PAXIP1: variants seen among roughly 807,000 people sequenced by gnomAD.
PAXIP1 encodes PAX-interacting protein 1.
Under a neutral mutation model 140.6 loss-of-function variants are expected in PAXIP1, and 19 were observed. That is an observed-to-expected ratio of 0.14 (90% CI 0.09 to 0.20). PAXIP1 has a LOEUF of 0.20. Ranked by LOEUF, PAXIP1 falls within the 10% of genes least tolerant of loss-of-function variation. The pLI, the probability that PAXIP1 is intolerant of heterozygous loss-of-function variation, is 1.00. For missense variants in PAXIP1, 920 were observed against 1,208.6 expected (o/e 0.76, Z 3.54); for synonymous variants, 442 against 444.6 (o/e 0.99, Z 0.07).
chr7:154,998,492 A>G (rs928906067), intron 2 of PAXIP1, among the ~76,000 whole-genome samples, 158 bp downstream of exon 2: 2 of 152,198 alleles, frequency 1.3e-5, no homozygotes, highest in African/African-American at 4.8e-5. Flanking sequence ...TGGGCAACAG[A>G]GCGAGATTCC....
At chr7:154,982,210 A>G (rs181637628) in intron 5 of PAXIP1, among the ~76,000 whole-genome samples, 52 of 152,246 alleles carry the variant, frequency 3.4e-4, no homozygotes, top group African/African-American at 1.3e-3. Context: ...TAGAAGTCAC[A>G]TGATAAATTT....
chr7:154,965,625 T>C (rs901862091), intron 8 of PAXIP1: 6 of 152,250 alleles, frequency 3.9e-5, no homozygotes, highest in South Asian at 4.1e-4. Flanking sequence ...TATGATGATA[T>C]ACTTCCCCTT....
intron 12 of PAXIP1, 78 bp downstream of exon 12, chr7:154,960,815 G>C: frequency 9.6e-7 from 1 of 1,036,614 alleles, no homozygotes; most frequent in East Asian, 2.8e-5. Context: ...CTGGTAATTA[G>C]TATGAATAAA....
At chr7:154,995,575 C>T (rs988021436) in intron 2 of PAXIP1, among the ~76,000 whole-genome samples, 13 of 152,198 alleles carry the variant, frequency 8.5e-5, no homozygotes, top group South Asian at 4.1e-4. Context: ...GCTGGCTGAT[C>T]GCGATGGCTC....
Position 154,991,760 on chromosome 7 carries a change from CAT to C in PAXIP1, c.261-693_261-692del, listed in dbSNP as rs1354536941. ...TCATGATCTCTATGTGCCTGTAATT[CAT>C]AGTCTATTCAGAGCAAACAATGACT... On this transcript the variant is annotated intron_variant, in intron 3 of 20. Transcript: ENST00000404141. Among the ~76,000 whole-genome samples, 8 of 152,192 alleles carry C rather than the reference CAT, an allele frequency of 5.3e-5. No homozygotes were observed. In the East Asian group the frequency reaches 7.7e-4, roughly 15 times the overall value.
In PAXIP1 at chr7:154,969,038, A is replaced by C; in HGVS notation, c.1163T>G (p.Leu388Arg). The C allele has an allele frequency of 1.3e-6, 2 of 1,546,130 alleles. No homozygotes were observed. The highest frequency in any genetic ancestry group is 2.4e-5 in the South Asian group (2 of 83,372). ...TGGAGTCACTTTCACTTGGCTAAAC[A>C]GCACTGCATTGGCATTTGTATGTCC... The part of the protein sequence containing the change: ...QQGHTNANAV[L>R]FSQVKVTPET... Residue 388 changes from leucine (L) to arginine (R), a missense_variant, in exon 7 of 21, where the codon CTG (leucine) becomes CGG (arginine). This residue lies in a region of PAXIP1 where 419 missense variants were observed against 514.7 expected (regional missense o/e 0.81). Transcript: ENST00000404141.
At chr7:154,980,705 C>G (rs189650548) in intron 5 of PAXIP1, among the ~76,000 whole-genome samples, 1 of 152,366 alleles carries the variant, frequency 6.6e-6, no homozygotes, top group Admixed American at 6.5e-5. Flanking sequence ...TGAGCCACCA[C>G]TTCTGGCCCA....
In PAXIP1 at chr7:154,986,016, C is replaced by G; in HGVS notation, c.325-2684G>C. On this transcript the variant is annotated intron_variant, in intron 4 of 20. Transcript: ENST00000404141. This position sits in a 1 kb window ranked among gnomAD's most constrained non-coding sequence, Gnocchi z 4.8. ...CTCTTGACCTATTCCCCAAAACCTA[C>G]CCAGCACATTACAACAGAGGCCTCA... The G allele has an allele frequency of 7.3e-7, 1 of 1,365,598 alleles. No homozygotes were observed. The allele number at this position is 1,365,598 out of a possible 1,614,324, so 84.6% of individuals were successfully genotyped here.
intron 9 of PAXIP1, among the ~76,000 whole-genome samples, chr7:154,962,878 A>T (rs536457918): frequency 6.6e-6 from 1 of 152,370 alleles, no homozygotes; most frequent in East Asian, 1.9e-4. Context: ...TTACAGGAAA[A>T]GCAGATCCTG....
chr7:154,954,382 C>T lies in PAXIP1; in HGVS notation c.2694G>A (p.Gln898=). ...TGCTGGCAATGAGGTGTGTGCACTT[C>T]TGTGCAGACTCCGCAACCTCTCCAC... ...ILGGEVAESA[Q]KCTHLIASKV... The change falls in exon 16 of 21, where the codon CAG becomes CAA. Residue 898 remains glutamine, a synonymous_variant. Coordinates refer to ENST00000404141, the MANE Select transcript of PAXIP1 (RefSeq NM_007349.4). This position sits in a 1 kb window ranked among gnomAD's most constrained non-coding sequence, Gnocchi z 5.1. 1 of 1,595,036 alleles carries T rather than the reference C, an allele frequency of 6.3e-7. No homozygotes were observed. The highest frequency in any genetic ancestry group is 8.6e-7 in the Non-Finnish European group (1 of 1,166,608).
chr7:154,953,133 TAAGGTGAGTTTAGCCACAA>T (rs113248115), intron 16 of PAXIP1, among the ~76,000 whole-genome samples: 5,842 of 152,248 alleles, frequency 0.038, 312 homozygotes, highest in East Asian at 0.2. Flanking sequence ...AAGTGATAAA[TAAGGTGAGTTTAGCCACAA>T]GAGTGTAACG....
chr7:154,985,439 G>A (rs945723392), intron 4 of PAXIP1, among the ~76,000 whole-genome samples: 3 of 151,904 alleles, frequency 2.0e-5, no homozygotes, highest in East Asian at 1.9e-4. Flanking sequence ...CTGCCCCCAC[G>A]TGCACCTGCC....
Position 154,963,308 on chromosome 7 carries a change from TG to T in PAXIP1, c.1989+362del, listed in dbSNP as rs1462784179. ...CTCCTGCCTCAGCCTCCTGAGTAGC[TG>T]GGATTAGAGCTGCGCACCACCACAC... On this transcript the variant is annotated intron_variant, in intron 9 of 20. Transcript: ENST00000404141. This position sits in a 1 kb window ranked among gnomAD's most constrained non-coding sequence, Gnocchi z 4.1. Among the ~76,000 whole-genome samples, 3 of 152,182 alleles carry T rather than the reference TG, an allele frequency of 2.0e-5. No homozygotes were observed. The East Asian group carries it at 5.8e-4, about 29-fold the overall frequency.
intron 4 of PAXIP1, among the ~76,000 whole-genome samples, chr7:154,987,309 C>T (rs961132658): frequency 5.3e-5 from 8 of 152,202 alleles, no homozygotes; most frequent in Non-Finnish European, 2.9e-5. Context: ...GTACAACTAT[C>T]TTCTACCAAT....
chr7:154,988,188 T>C (rs886156490), intron 4 of PAXIP1, among the ~76,000 whole-genome samples: 1 of 152,198 alleles, frequency 6.6e-6, no homozygotes, highest in Admixed American at 6.5e-5. Flanking sequence ...TCCTCTTATC[T>C]AGCCTCTGTG....
chr7:154,997,056 C>T (rs1810663863), intron 2 of PAXIP1, among the ~76,000 whole-genome samples: 1 of 151,948 alleles, frequency 6.6e-6, no homozygotes, highest in Non-Finnish European at 1.5e-5. Flanking sequence ...AGATACTGTC[C>T]CTAAAGCAGT....
In PAXIP1 at chr7:154,946,307, G is replaced by A; in HGVS notation, c.3194+58C>T. The A allele has an allele frequency of 1.2e-6, 2 of 1,612,282 alleles. No homozygotes were observed. Among genetic ancestry groups the A allele is most frequent in the Non-Finnish European group, 1.7e-6 (2 of 1,178,858 alleles). On this transcript the variant is annotated intron_variant, in intron 20 of 20. Coordinates refer to ENST00000404141, the MANE Select transcript of PAXIP1 (RefSeq NM_007349.4). The surrounding 1 kb of genome is among the most constrained non-coding windows in gnomAD (Gnocchi z 4.9). ...AGGAAAGGTACTGCCTTATTAACCT[G>A]GGAAATCCATTTCATATCTAACCCG...
intron 17 of PAXIP1, 45 bp downstream of exon 17, chr7:154,947,858 G>A (rs1808069650): frequency 2.2e-6 from 3 of 1,340,002 alleles, no homozygotes; most frequent in Non-Finnish European, 3.2e-6. Flanking sequence ...GCAGGTCCGT[G>A]TGTTATGCTT....
intron 16 of PAXIP1, among the ~76,000 whole-genome samples, chr7:154,953,673 A>C (rs1007039865): frequency 9.2e-5 from 14 of 152,166 alleles, no homozygotes; most frequent in Non-Finnish European, 8.8e-5. Context: ...GAAGAAAAAA[A>C]ATTGCTTAGA....
Sources: gnomAD v4.1 joint callset for allele counts (sites outside exome capture counted in the v4.1 genomes callset) on GRCh38, gnomAD v4.1.1 for gene constraint, gnomAD v4.1.1 regional missense constraint, Gnocchi (gnomAD v3.1) non-coding constraint, MANE v1.5 for transcripts, NCBI Gene and HGNC (gene_info 2026-07-23, HGNC 2026-07-21) for gene names.